Variants in ADAM10 observed in about 807,000 individuals in gnomAD.
ADAM10 encodes ADAM metallopeptidase domain 10.
A neutral mutation model predicts 90.1 loss-of-function variants in ADAM10; 17 were observed. That is an observed-to-expected ratio of 0.19 (90% CI 0.13 to 0.28). The LOEUF (loss-of-function observed/expected upper bound fraction) is 0.28, where lower values mean the gene tolerates loss of function less well. ADAM10 is among the 10% of genes least tolerant of loss of function. The pLI is 1.00. For missense variants in ADAM10, 610 were observed against 914.3 expected, an observed-to-expected ratio of 0.67 and a Z score of 4.29; for synonymous variants, 310 against 298.6, an observed-to-expected ratio of 1.04 and a Z score of -0.40.
chr15:58,592,508 T>C lies in ADAM10; in HGVS notation c.*5039A>G, dbSNP rs1894844087. 6.6e-6 allele frequency: 1 copy of C among 152,152 alleles called. No homozygotes were observed. The highest frequency in any genetic ancestry group is 1.5e-5 in the Non-Finnish European group (1 of 68,016). The allele number at this position is 152,152 out of a possible 1,614,324, so 9.4% of individuals were successfully genotyped here. On this transcript the variant is annotated 3_prime_UTR_variant, in exon 16 of 16. Coordinates refer to ENST00000260408, the MANE Select transcript of ADAM10 (RefSeq NM_001110.4). ...ATCTTTCTGATCTGGTACAAAACAA[T>C]GTTTCCTAGGTTCTTCTTGTACATT...
chr15:58,618,295 G>A (rs1290919743), intron 11 of ADAM10, among the ~76,000 whole-genome samples: 1 of 152,138 alleles, frequency 6.6e-6, no homozygotes, highest in African/African-American at 2.4e-5. Context: ...TCAATAAGTG[G>A]TGATGGGAAA....
intron 5 of ADAM10, among the ~76,000 whole-genome samples, chr15:58,656,646 T>C (rs1896835033): frequency 6.6e-6 from 1 of 152,216 alleles, no homozygotes; most frequent in African/African-American, 2.4e-5. Flanking sequence ...TTTGTTTCTA[T>C]TCATGCCTTA....
chr15:58,619,796 T>TG (rs1895726628), intron 11 of ADAM10, among the ~76,000 whole-genome samples: 1 of 151,458 alleles, frequency 6.6e-6, no homozygotes, highest in Admixed American at 6.6e-5. Flanking sequence ...CCCAGCTACT[T>TG]GGGAGGCTGA....
At position 58,593,108 on chromosome 15, in the gene ADAM10, T is replaced by C. The variant is rs2140980407; in HGVS notation, c.*4439A>G. 1 of 146,858 alleles carries C rather than the reference T, an allele frequency of 6.8e-6. No individual in the cohort carries two copies. The highest frequency in any genetic ancestry group is 2.5e-5 in the African/African-American group (1 of 40,440). 9.1% of individuals were successfully genotyped at this position (146,858 alleles called of 1,614,324 possible). A position where few individuals can be genotyped will look rare whatever the true frequency, so the allele number is the denominator to read the frequency against. The stretch of plus-strand genomic sequence containing the variant: ...CAAAAGTGTGCATATTATGTTTTTG[T>C]CACACACATAGAAAAAAAGTAACAA... On this transcript the variant is annotated 3_prime_UTR_variant, in exon 16 of 16. Coordinates refer to ENST00000260408, the MANE Select transcript of ADAM10 (RefSeq NM_001110.4).
rs144954301 is a variant in ADAM10 at position 58,718,613 on chromosome 15, A to C, written c.56-886T>G. ...TCAGTAGTCTACCCAATGCTCCATG[A>C]ACTGAGTTTTTCCAGTCTACCTGGT... On this transcript the variant is annotated intron_variant, in intron 1 of 15. Coordinates refer to ENST00000260408, the MANE Select transcript of ADAM10 (RefSeq NM_001110.4). 9.5e-3 allele frequency among the ~76,000 whole-genome samples: 1,453 copies of C among 152,268 alleles called. 21 individuals are homozygous for C. The highest frequency in any genetic ancestry group is 0.033 in the African/African-American group (1,374 of 41,534).
chr15:58,679,371 T>C (rs752065184), intron 3 of ADAM10, 89 bp from the exon 4 acceptor site: 71 of 1,132,706 alleles, frequency 6.3e-5, no homozygotes, highest in South Asian at 5.2e-5. Context: ...TGTGTATATA[T>C]ATACACACAT....
chr15:58,727,628 G>A (rs1899085486), intron 1 of ADAM10, among the ~76,000 whole-genome samples: 1 of 152,150 alleles, frequency 6.6e-6, no homozygotes, highest in Non-Finnish European at 1.5e-5. Flanking sequence ...TGACACGCCA[G>A]CCTTGTTATT....
At chr15:58,726,349 G>A (rs1030538676) in intron 1 of ADAM10, among the ~76,000 whole-genome samples, 1 of 151,964 alleles carries the variant, frequency 6.6e-6, no homozygotes, top group African/African-American at 2.4e-5. Flanking sequence ...TGGATCACTT[G>A]AAGCGAGGAG....
intron 4 of ADAM10, among the ~76,000 whole-genome samples, chr15:58,673,609 T>C (rs1252940065): frequency 6.6e-6 from 1 of 152,034 alleles, no homozygotes; most frequent in Non-Finnish European, 1.5e-5. Context: ...TCTAAAATTT[T>C]CAACTGTTAT....
At chr15:58,604,122 G>A (rs1435865053) in intron 14 of ADAM10, among the ~76,000 whole-genome samples, 2 of 152,074 alleles carry the variant, frequency 1.3e-5, no homozygotes, top group Non-Finnish European at 2.9e-5. Context: ...AGCACTGTGG[G>A]AAGCCGGGGC....
chr15:58,686,450 G>A (rs1897605731), intron 2 of ADAM10: 2 of 1,393,098 alleles, frequency 1.4e-6, no homozygotes, highest in Non-Finnish European at 2.0e-6. Context: ...GCAGTGCCTG[G>A]TGGAGCAGCT....
intron 2 of ADAM10, chr15:58,686,335 G>A: frequency 1.6e-6 from 1 of 639,542 alleles, no homozygotes; most frequent in Non-Finnish European, 2.7e-6. Context: ...ACTATTCCTA[G>A]AATAAAGGCT....
chr15:58,704,820 G>C (rs1027726615), intron 2 of ADAM10, among the ~76,000 whole-genome samples: 6 of 152,066 alleles, frequency 3.9e-5, no homozygotes, highest in African/African-American at 1.4e-4. Context: ...TTAATCAAAG[G>C]GTATGACTCA....
intron 4 of ADAM10, chr15:58,676,380 C>T (rs978921244): frequency 1.8e-5 from 8 of 450,122 alleles, no homozygotes; most frequent in Non-Finnish European, 3.6e-5. Flanking sequence ...GATTTTTATA[C>T]ACTGTCAGGT....
intron 1 of ADAM10, among the ~76,000 whole-genome samples, chr15:58,734,348 T>C (rs1301114859): frequency 1.3e-5 from 2 of 152,186 alleles, no homozygotes; most frequent in African/African-American, 4.8e-5. Context: ...TTGAGTGATA[T>C]GTAACAAACC....
chr15:58,727,976 G>T (rs1303528324), intron 1 of ADAM10, among the ~76,000 whole-genome samples: 1 of 152,018 alleles, frequency 6.6e-6, no homozygotes, highest in Non-Finnish European at 1.5e-5. Context: ...TGAACAAGCA[G>T]ACAAAAAAAT....
At chr15:58,693,125 T>G (rs771310989) in intron 2 of ADAM10, 1 of 738,612 alleles carries the variant, frequency 1.4e-6, no homozygotes, top group South Asian at 1.3e-5. Context: ...ATGAGAGACA[T>G]GAGTTGGGCA....
chr15:58,640,868 C>T lies in ADAM10; in HGVS notation c.921G>A (p.Gln307=). The part of the protein sequence containing the change: ...VEKFLELNSE[Q]NHDDYCLAYV... ...AGGCCAAACAGTAGTCATCATGATT[C>T]TGCTCAGAATTCAATTCCAGAAACT... is the stretch of plus-strand genomic sequence containing the variant. The change falls in exon 8 of 16, where the codon CAG becomes CAA. Residue 307 remains glutamine (Q), a synonymous_variant. Coordinates refer to ENST00000260408, the MANE Select transcript of ADAM10 (RefSeq NM_001110.4). The T allele has an allele frequency of 1.2e-6, 2 of 1,614,156 alleles. No homozygotes were observed. The highest frequency in any genetic ancestry group is 1.7e-6 in the Non-Finnish European group (2 of 1,180,010).
chr15:58,605,054 A>C (rs192119998), intron 14 of ADAM10, among the ~76,000 whole-genome samples: 12 of 152,360 alleles, frequency 7.9e-5, no homozygotes, highest in Admixed American at 3.9e-4. Flanking sequence ...GATTTAAATA[A>C]AGAGCCATAC....
Sources: gnomAD v4.1 joint callset for allele counts (sites outside exome capture counted in the v4.1 genomes callset) on GRCh38, gnomAD v4.1.1 for gene constraint, MANE v1.5 for transcripts, NCBI Gene and HGNC (gene_info 2026-07-23, HGNC 2026-07-21) for gene names.